Variants in CPNE4 observed in about 807,000 individuals in gnomAD.
The protein encoded by CPNE4 is copine-4.
In CPNE4, 25 loss-of-function variants were observed where a neutral mutation model predicts 67.9. The ratio of observed to expected loss-of-function variants is 0.37; its 90% CI spans 0.27 to 0.51. The LOEUF (loss-of-function observed/expected upper bound fraction) is 0.51. Ranked by LOEUF, CPNE4 falls within the 20% of genes least tolerant of loss-of-function variation. The probability of loss-of-function intolerance (pLI) is 0.93; values close to 1 mark genes in which losing one functional copy is unlikely to be tolerated. For synonymous variants in CPNE4, 242 were observed against 244.9 expected (o/e 0.99, Z 0.11); for missense variants, 464 against 690.8 (o/e 0.67, Z 3.68).
intron 2 of CPNE4, among the ~76,000 whole-genome samples, chr3:131,805,785 G>C (rs1236846981): frequency 6.6e-6 from 1 of 152,156 alleles, no homozygotes; most frequent in Non-Finnish European, 1.5e-5. Flanking sequence ...TGCCTCACGA[G>C]TTATATAGTG....
At chr3:131,626,744 C>G (rs965060244) in intron 7 of CPNE4, among the ~76,000 whole-genome samples, 1 of 152,164 alleles carries the variant, frequency 6.6e-6, no homozygotes, top group Non-Finnish European at 1.5e-5. Context: ...ACAAAACAGT[C>G]TTATATTAAA....
intron 1 of CPNE4, among the ~76,000 whole-genome samples, chr3:132,003,445 T>A (rs1030266764): frequency 6.6e-5 from 10 of 152,172 alleles, no homozygotes; most frequent in African/African-American, 2.2e-4. Context: ...AGATAATTTA[T>A]TCCTGAGGAG....
At chr3:131,801,500 A>C (rs2084129255) in intron 2 of CPNE4, among the ~76,000 whole-genome samples, 1 of 137,752 alleles carries the variant, frequency 7.3e-6, no homozygotes, top group Non-Finnish European at 1.5e-5. Flanking sequence ...GAAGAGTTGA[A>C]TCTATACGAT....
chr3:131,680,301 A>AT (rs1028903219), intron 6 of CPNE4, among the ~76,000 whole-genome samples: 3 of 116,970 alleles, frequency 2.6e-5, no homozygotes, highest in African/African-American at 1.1e-4. Flanking sequence ...CCATCCCTTT[A>AT]TTTTGAGCCT....
chr3:131,759,509 A>G (rs2082837602), intron 2 of CPNE4, among the ~76,000 whole-genome samples: 2 of 152,162 alleles, frequency 1.3e-5, no homozygotes, highest in Non-Finnish European at 2.9e-5. Context: ...GGTAGCATCA[A>G]CTGTCCTTCC....
At chr3:131,864,471 G>T (rs1427237796) in intron 2 of CPNE4, among the ~76,000 whole-genome samples, 1 of 151,746 alleles carries the variant, frequency 6.6e-6, no homozygotes, top group Non-Finnish European at 1.5e-5. Flanking sequence ...TGAAGCAATT[G>T]TGAATGGGAG....
chr3:131,748,317 A>G (rs940954986), intron 2 of CPNE4, among the ~76,000 whole-genome samples: 2 of 152,034 alleles, frequency 1.3e-5, no homozygotes, highest in African/African-American at 2.4e-5. Flanking sequence ...ACTTAGTCAT[A>G]GTGTATAATT....
chr3:131,628,167 A>C (rs995255031), intron 7 of CPNE4, among the ~76,000 whole-genome samples: 2 of 152,158 alleles, frequency 1.3e-5, no homozygotes, highest in African/African-American at 4.8e-5. Context: ...AGTGATCACC[A>C]CCCTGATCAG....
chr3:131,563,183 A>G (rs911998732), intron 11 of CPNE4, among the ~76,000 whole-genome samples: 7 of 152,030 alleles, frequency 4.6e-5, no homozygotes, highest in Non-Finnish European at 4.4e-5. Context: ...ATGACACTAG[A>G]AAGAACAGAA....
At chr3:131,647,813 C>G (rs1414956007) in intron 7 of CPNE4, among the ~76,000 whole-genome samples, 1 of 152,148 alleles carries the variant, frequency 6.6e-6, no homozygotes, top group Non-Finnish European at 1.5e-5. Context: ...GGTCTCTGGG[C>G]AATAACATTT....
intron 9 of CPNE4, among the ~76,000 whole-genome samples, chr3:131,577,848 G>C (rs894636503): frequency 1.3e-5 from 2 of 152,108 alleles, no homozygotes; most frequent in African/African-American, 4.8e-5. Flanking sequence ...TCTTATGGGA[G>C]TACTGTCATA....
chr3:131,535,266 A>G lies in CPNE4; in HGVS notation c.1603T>C (p.Tyr535His). The change falls in exon 16 of 16, where the codon TAC becomes CAC. Residue 535 changes from tyrosine to histidine, a missense_variant. By Grantham distance (83) the Tyr-to-His change is moderately conservative. This residue lies in a region of CPNE4 where 201 missense variants were observed against 357.7 expected (regional missense o/e 0.56). Transcript: ENST00000429747. Reference sequence around the variant, plus strand: ...TTTGGTTTAATTCCTTTGCCATTGTAATAGTCCACAACTTGGTTTGGGACT... The same window carrying G: ...TTTGGTTTAATTCCTTTGCCATTGTGATAGTCCACAACTTGGTTTGGGACT... ...AEVPNQVVDY[Y>H]NGKGIKPKCS... is the part of the protein sequence containing the mutation. 6.2e-7 allele frequency: 1 copy of G among 1,613,978 alleles called. No individual in the cohort carries two copies. The highest frequency in any genetic ancestry group is 8.5e-7 in the Non-Finnish European group (1 of 1,179,982).
At chr3:131,792,925 G>GTGTATA (rs58502463) in intron 2 of CPNE4, among the ~76,000 whole-genome samples, 152 of 135,224 alleles carry the variant, frequency 1.1e-3, no homozygotes, top group African/African-American at 2.0e-3. Flanking sequence ...GTGTGTGTGT[G>GTGTATA]TATCTCCAAC....
intron 2 of CPNE4, among the ~76,000 whole-genome samples, chr3:131,811,050 G>A (rs2107939369): frequency 6.6e-6 from 1 of 152,092 alleles, no homozygotes; most frequent in South Asian, 2.1e-4. Context: ...GATGATTAGA[G>A]GGTACAAAGT....
chr3:132,006,655 A>ATTTTT (rs113475309), intron 1 of CPNE4, among the ~76,000 whole-genome samples: 36 of 149,696 alleles, frequency 2.4e-4, no homozygotes, highest in African/African-American at 5.4e-4. Flanking sequence ...CTTTCTTTCC[A>ATTTTT]TTTTTTTTTG....
intron 1 of CPNE4, among the ~76,000 whole-genome samples, chr3:131,963,779 G>T (rs9868921): frequency 6.6e-6 from 1 of 151,854 alleles, no homozygotes; most frequent in East Asian, 1.9e-4. Flanking sequence ...GGACAGAGCA[G>T]CTGGGGGAAG....
At chr3:131,713,632 G>A (rs1325829051) in intron 3 of CPNE4, among the ~76,000 whole-genome samples, 3 of 152,088 alleles carry the variant, frequency 2.0e-5, no homozygotes, top group Non-Finnish European at 4.4e-5. Flanking sequence ...AACTGCCCAA[G>A]GCCATACAGA....
chr3:131,861,893 C>T (rs1470794154), intron 2 of CPNE4, among the ~76,000 whole-genome samples: 1 of 152,044 alleles, frequency 6.6e-6, no homozygotes, highest in African/African-American at 2.4e-5. Flanking sequence ...TAAATAAAGC[C>T]ATAAAGCTAG....
intron 2 of CPNE4, among the ~76,000 whole-genome samples, chr3:131,746,150 C>A (rs962963358): frequency 6.6e-6 from 1 of 151,998 alleles, no homozygotes; most frequent in African/African-American, 2.4e-5. Context: ...TTATCATCAA[C>A]AGATAATAAG....
Sources: gnomAD v4.1 joint callset for allele counts (sites outside exome capture counted in the v4.1 genomes callset) on GRCh38, gnomAD v4.1.1 for gene constraint, gnomAD v4.1.1 regional missense constraint, MANE v1.5 for transcripts, NCBI Gene and HGNC (gene_info 2026-07-23, HGNC 2026-07-21) for gene names.